Variants in RNF220 observed in about 807,000 individuals in gnomAD.
The protein encoded by RNF220 is ring finger protein 220.
A neutral mutation model predicts 67.1 loss-of-function variants in RNF220; 7 were observed. The observed-to-expected ratio is 0.10, with a 90% CI of 0.06 to 0.20. The LOEUF is 0.20. Among genes scored for constraint, RNF220 ranks in the 10% least tolerant of loss-of-function variants. RNF220 has a pLI of 1.00. For synonymous variants in RNF220, 270 were observed against 283.2 expected (o/e 0.95, Z 0.47); for missense variants, 565 against 740.3 (o/e 0.76, Z 2.75).
At chr1:44,625,464 C>T (rs1431635830) in intron 4 of RNF220, among the ~76,000 whole-genome samples, 2 of 152,194 alleles carry the variant, frequency 1.3e-5, no homozygotes, top group African/African-American at 4.8e-5. Context: ...TCCCAAATTG[C>T]TTTCTTTGGG....
intron 2 of RNF220, among the ~76,000 whole-genome samples, chr1:44,572,035 C>G (rs893909255): frequency 5.3e-5 from 8 of 152,244 alleles, no homozygotes; most frequent in African/African-American, 1.4e-4. Flanking sequence ...GTGACTGGGA[C>G]AGCCTCCAGC....
At chr1:44,545,940 G>C (rs1338878375) in intron 2 of RNF220, among the ~76,000 whole-genome samples, 1 of 152,168 alleles carries the variant, frequency 6.6e-6, no homozygotes, top group Non-Finnish European at 1.5e-5. Context: ...ATTTATAGTA[G>C]AGACGAGGAG....
In RNF220 at chr1:44,571,242, C is replaced by T. The variant is rs1026121679; in HGVS notation, c.626-42923C>T. On this transcript the variant is annotated intron_variant, in intron 2 of 14. Transcript: ENST00000361799. ...TCTACCACGGCCACATTATCCCCAT[C>T]GTTCCTTGAATACACTGAGTACCTT... Among the ~76,000 whole-genome samples the T allele has an allele frequency of 1.4e-4, 21 of 152,208 alleles. 1 individual carries two copies. The highest frequency in any genetic ancestry group is 7.2e-4 in the Admixed American group (11 of 15,284).
At chr1:44,592,479 T>G (rs1385740804) in intron 2 of RNF220, among the ~76,000 whole-genome samples, 1 of 152,166 alleles carries the variant, frequency 6.6e-6, no homozygotes, top group Admixed American at 6.5e-5. Context: ...CTGACCACTG[T>G]GCCTGGGGAA....
chr1:44,465,004 A>G (rs1290470727), intron 2 of RNF220, among the ~76,000 whole-genome samples: 1 of 152,178 alleles, frequency 6.6e-6, no homozygotes, highest in Non-Finnish European at 1.5e-5. Context: ...ATGGCAAGAA[A>G]TGTGTTTTAT....
At chr1:44,430,086 A>C (rs187492222) in intron 2 of RNF220, among the ~76,000 whole-genome samples, 1 of 151,774 alleles carries the variant, frequency 6.6e-6, no homozygotes, top group East Asian at 1.9e-4. Context: ...AAAAAAAAAA[A>C]ACCTCATAGA....
At chr1:44,461,918 T>C (rs1432434806) in intron 2 of RNF220, among the ~76,000 whole-genome samples, 2 of 134,866 alleles carry the variant, frequency 1.5e-5, no homozygotes, top group East Asian at 2.1e-4. Flanking sequence ...CTTTTCTTTT[T>C]TCTTTGTTTT....
intron 2 of RNF220, among the ~76,000 whole-genome samples, chr1:44,551,685 A>G (rs6684728): frequency 0.1 from 15,340 of 151,974 alleles, 1,379 homozygotes; most frequent in East Asian, 0.36. Flanking sequence ...GCCAAAGGGG[A>G]AAAAAAATCT....
intron 2 of RNF220, among the ~76,000 whole-genome samples, chr1:44,453,364 C>A (rs1392247068): frequency 6.6e-6 from 1 of 152,038 alleles, no homozygotes; most frequent in Non-Finnish European, 1.5e-5. Context: ...ATGAAAGCTG[C>A]CATATTTATC....
chr1:44,405,192 TGTGC>T (rs1442832934), upstream of RNF220: 1 of 312,020 alleles, frequency 3.2e-6, no homozygotes, highest in South Asian at 6.4e-5. Context: ...TGAGAGAATG[TGTGC>T]GTGCGTGTGT....
At chr1:44,501,456 G>A (rs1337626786) in intron 2 of RNF220, among the ~76,000 whole-genome samples, 1 of 152,112 alleles carries the variant, frequency 6.6e-6, no homozygotes, top group Admixed American at 6.5e-5. Flanking sequence ...CAGAAAGGCT[G>A]GGGATGGGTG....
chr1:44,644,228 G>A (rs923454775), intron 8 of RNF220: 29 of 155,802 alleles, frequency 1.9e-4, no homozygotes, highest in Non-Finnish European at 2.6e-4. Context: ...GATGTTGGCC[G>A]GGGGTCCCAC....
Position 44,552,566 on chromosome 1 carries a change from C to CTTT in RNF220, c.626-61579_626-61577dup, listed in dbSNP as rs57847805. On this transcript the variant is annotated intron_variant, in intron 2 of 14. Coordinates refer to ENST00000361799, the MANE Select transcript of RNF220 (RefSeq NM_018150.4). ...GGCTCCCTGCTATTCTAAACTTCTT[C>CTTT]TTTTTTTTTTTTTTTTTTTTTTGAG... 4.4e-3 allele frequency among the ~76,000 whole-genome samples: 368 copies of CTTT among 83,702 alleles called. 17 individuals are homozygous for CTTT. Among genetic ancestry groups the CTTT allele is most frequent in the African/African-American group, 0.018 (359 of 19,712 alleles). The allele number at this position is 83,702 out of a possible 152,430, so 54.9% of individuals were successfully genotyped here.
At chr1:44,424,647 T>C (rs1649562902) in intron 2 of RNF220, among the ~76,000 whole-genome samples, 2 of 152,204 alleles carry the variant, frequency 1.3e-5, no homozygotes, top group African/African-American at 4.8e-5. Context: ...ACCTTCCTCA[T>C]CCAGTCTCCT....
intron 2 of RNF220, among the ~76,000 whole-genome samples, chr1:44,413,591 A>G (rs1214047491): frequency 6.6e-6 from 1 of 152,158 alleles, no homozygotes; most frequent in Non-Finnish European, 1.5e-5. Context: ...TGTGTTTTGA[A>G]GCTTTTGGGC....
chr1:44,635,905 AG>A (rs1644314262), intron 7 of RNF220, 124 bp from the exon 8 acceptor site: 6 of 1,493,180 alleles, frequency 4.0e-6, no homozygotes, highest in Non-Finnish European at 1.8e-6. Flanking sequence ...GCTTCAAAGG[AG>A]CCCTAGAGCT....
intron 2 of RNF220, among the ~76,000 whole-genome samples, chr1:44,467,299 C>T (rs572193899): frequency 6.6e-6 from 1 of 152,364 alleles, no homozygotes; most frequent in Admixed American, 6.5e-5. Context: ...GCAACCTCCA[C>T]CTCCCAGGTT....
At chr1:44,637,723 C>T (rs956694825) in intron 8 of RNF220, among the ~76,000 whole-genome samples, 3 of 152,222 alleles carry the variant, frequency 2.0e-5, no homozygotes, top group Admixed American at 6.5e-5. Flanking sequence ...AGGCCCCGGG[C>T]GGGTATCCGT....
chr1:44,646,867 T>G (rs1644666398), intron 12 of RNF220, among the ~76,000 whole-genome samples: 1 of 152,200 alleles, frequency 6.6e-6, no homozygotes, highest in African/African-American at 2.4e-5. Flanking sequence ...ATTTCTCTAT[T>G]TCTTGCCCTA....
Sources: gnomAD v4.1 joint callset for allele counts (sites outside exome capture counted in the v4.1 genomes callset) on GRCh38, gnomAD v4.1.1 for gene constraint, MANE v1.5 for transcripts, NCBI Gene and HGNC (gene_info 2026-07-23, HGNC 2026-07-21) for gene names.